The following PADI2 variants were observed in gnomAD, a reference collection of about 807,000 sequenced individuals.
PADI2 encodes the protein protein-arginine deiminase type-2.
PADI2 carries 70 observed loss-of-function variants against 81.1 expected under a neutral mutation model. The observed-to-expected ratio is 0.86, with a 90% confidence interval of 0.71 to 1.05. The LOEUF is 1.05. Among genes scored for constraint, PADI2 ranks in the 50% least tolerant of loss-of-function variants. The pLI is 0.00. For missense variants in PADI2, 853 were observed against 889.9 expected, an observed-to-expected ratio of 0.96 and a Z score of 0.53; for synonymous variants, 338 against 358.0, an observed-to-expected ratio of 0.94 and a Z score of 0.63.
chr1:17,070,510 A>T (rs150532479), intron 14 of PADI2, among the ~76,000 whole-genome samples: 1 of 152,156 alleles, frequency 6.6e-6, no homozygotes, highest in Non-Finnish European at 1.5e-5. Flanking sequence ...CACCTCAGTG[A>T]CCCCTCGGGC....
At chr1:17,074,014 GCA>G (rs1310516128) in intron 13 of PADI2, among the ~76,000 whole-genome samples, 3 of 152,170 alleles carry the variant, frequency 2.0e-5, no homozygotes, top group Non-Finnish European at 4.4e-5. Flanking sequence ...AAATTGTATT[GCA>G]TCTATTTTCT....
chr1:17,102,754 G>GGGC (rs748437796), intron 3 of PADI2, among the ~76,000 whole-genome samples: 1 of 151,260 alleles, frequency 6.6e-6, no homozygotes, highest in Admixed American at 6.6e-5. Flanking sequence ...TGACACTTGG[G>GGGC]GGGGGGTTGC....
At chr1:17,088,679 C>T (rs113264443) in intron 6 of PADI2, among the ~76,000 whole-genome samples, 3,066 of 152,026 alleles carry the variant, frequency 0.02, 95 homozygotes, top group African/African-American at 0.069. Flanking sequence ...GATGCTGAGG[C>T]GGGCGAATCA....
At chr1:17,070,590 T>G (rs1343689356) in intron 14 of PADI2, among the ~76,000 whole-genome samples, 1 of 152,262 alleles carries the variant, frequency 6.6e-6, no homozygotes, top group Non-Finnish European at 1.5e-5. Flanking sequence ...ATGTGCTTAG[T>G]ACTGTTCTAA....
chr1:17,093,266 T>C (rs1930771504), intron 5 of PADI2, among the ~76,000 whole-genome samples: 1 of 151,972 alleles, frequency 6.6e-6, no homozygotes, highest in Non-Finnish European at 1.5e-5. Context: ...CAGCCAATTT[T>C]TGTATTTTTA....
At chr1:17,110,849 G>A (rs944274484) in intron 1 of PADI2, among the ~76,000 whole-genome samples, 1 of 151,628 alleles carries the variant, frequency 6.6e-6, no homozygotes, top group East Asian at 1.9e-4. Context: ...GTAGGGATTG[G>A]ATCTTCTTGT....
chr1:17,087,994 G>A (rs1335345641), intron 6 of PADI2, among the ~76,000 whole-genome samples: 1 of 152,218 alleles, frequency 6.6e-6, no homozygotes, highest in African/African-American at 2.4e-5. Context: ...CATGAATCAG[G>A]CAAGGACCTT....
intron 3 of PADI2, 42 bp downstream of exon 3, chr1:17,102,945 C>T (rs374581906): frequency 2.5e-4 from 365 of 1,473,268 alleles, no homozygotes; most frequent in South Asian, 3.2e-4. Context: ...GTGCCAGGCC[C>T]TGGGTGATGA....
intron 13 of PADI2, among the ~76,000 whole-genome samples, chr1:17,072,811 C>T (rs950374289): frequency 2.0e-5 from 3 of 152,184 alleles, no homozygotes; most frequent in African/African-American, 7.2e-5. Context: ...CTGCTTGCCC[C>T]TATTTGTACA....
chr1:17,100,370 T>C (rs1020863616), intron 3 of PADI2, among the ~76,000 whole-genome samples: 20 of 151,106 alleles, frequency 1.3e-4, no homozygotes, highest in African/African-American at 4.6e-4. Context: ...CTGCAACCTC[T>C]GTCTCCTGGT....
Position 17,093,603 on chromosome 1 carries a change from C to T in PADI2, c.493G>A (p.Glu165Lys). Residue 165 changes from glutamate to lysine, a missense_variant, in exon 5 of 16, where the codon GAG becomes AAG. Coordinates refer to ENST00000375486, the MANE Select transcript of PADI2 (RefSeq NM_007365.3). ...CDRETPWLPK[E>K]DCRDEKVYSK... Reference sequence around the variant, plus strand: ...TAGACCTTCTCATCACGGCAGTCCTCCTTGGGCAACCAGGGTGTCTCTCGG... The same window carrying T: ...TAGACCTTCTCATCACGGCAGTCCTTCTTGGGCAACCAGGGTGTCTCTCGG... The T allele has an allele frequency of 6.2e-7, 1 of 1,613,992 alleles. No homozygotes were observed. The highest frequency in any genetic ancestry group is 8.5e-7 in the Non-Finnish European group (1 of 1,179,884).
At chr1:17,070,308 G>T in intron 14 of PADI2, 92 bp from the exon 15 acceptor site, 2 of 1,539,676 alleles carry the variant, frequency 1.3e-6, no homozygotes. Flanking sequence ...CACCAGGCCA[G>T]GGGCCCCGGC....
At chr1:17,080,726 C>T (rs1295476497) in intron 10 of PADI2, among the ~76,000 whole-genome samples, 5 of 152,206 alleles carry the variant, frequency 3.3e-5, no homozygotes, top group Admixed American at 6.5e-5. Context: ...AAGTCATAAC[C>T]CCATTGGCCC....
chr1:17,107,080 G>T (rs1314661354), intron 1 of PADI2, among the ~76,000 whole-genome samples: 1 of 152,176 alleles, frequency 6.6e-6, no homozygotes, highest in Admixed American at 6.5e-5. Context: ...TAGGGCTGGC[G>T]GCTTTGCTAA....
rs1465107308 is a variant in PADI2 at position 17,082,607 on chromosome 1, G to C, written c.1096C>G (p.Pro366Ala). ...GYIEAPHKGF[P>A]VVLDSPRDGN... The stretch of plus-strand genomic sequence containing the variant: ...TCTCGGGGAGAGTCCAGCACCACGG[G>C]GAAGCCTTTATGGGGGGCCTCGATG... The change falls in exon 10 of 16, where the codon CCC (proline) becomes GCC (alanine). Residue 366 changes from proline to alanine, a missense_variant. Pro to Ala is a conservative substitution (Grantham distance 27). Transcript: ENST00000375486. 1 of 1,611,824 alleles carries C rather than the reference G, an allele frequency of 6.2e-7. No individual in the cohort carries two copies. The highest frequency in any genetic ancestry group is 1.7e-5 in the Admixed American group (1 of 59,378).
intron 9 of PADI2, 33 bp downstream of exon 9, chr1:17,083,693 A>G: frequency 1.5e-6 from 2 of 1,376,342 alleles, no homozygotes; most frequent in South Asian, 1.2e-5. Context: ...CCCGGGGGCC[A>G]TGTCCTTCCC....
chr1:17,102,954 G>A lies in PADI2; in HGVS notation c.349+33C>T, dbSNP rs371857811. On this transcript the variant is annotated intron_variant, in intron 3 of 15. Coordinates refer to ENST00000375486, the MANE Select transcript of PADI2 (RefSeq NM_007365.3). ...ACAACAGTGCCAGGCCCTGGGTGATGAAGGCACTGAGACGGCAACCATGCC... is the reference window on the plus strand; with the variant it reads ...ACAACAGTGCCAGGCCCTGGGTGATAAAGGCACTGAGACGGCAACCATGCC... 1,322 of 1,537,608 alleles carry A rather than the reference G, an allele frequency of 8.6e-4. 1 individual carries two copies. Among genetic ancestry groups the A allele is most frequent in the Non-Finnish European group, 1.0e-3 (1,144 of 1,114,182 alleles).
intron 2 of PADI2, among the ~76,000 whole-genome samples, chr1:17,104,245 G>A (rs569950777): frequency 6.6e-5 from 10 of 151,360 alleles, no homozygotes; most frequent in African/African-American, 1.5e-4. Context: ...AGCCGAGATC[G>A]CATCACTGCA....
chr1:17,071,404 A>C lies in PADI2; in HGVS notation c.1635+2T>G. ...GGCCCTGCACCCCTGCCCTGCCCTC[A>C]CCTGGAAGTACAGGTTCTCCTGCAC... On this transcript the variant is annotated splice_donor_variant, in intron 14 of 15. Coordinates refer to ENST00000375486, the MANE Select transcript of PADI2 (RefSeq NM_007365.3). LOFTEE classifies it high-confidence loss of function. 1 of 1,610,548 alleles carries C rather than the reference A, an allele frequency of 6.2e-7. No homozygotes were observed.
Sources: allele counts gnomAD v4.1 joint callset (sites outside exome capture counted in the v4.1 genomes callset), GRCh38; gene constraint gnomAD v4.1.1; transcripts MANE v1.5; gene names NCBI Gene and HGNC (gene_info 2026-07-23, HGNC 2026-07-21).